The following LUZP2 variants were observed in gnomAD, a reference collection of about 807,000 sequenced individuals.
LUZP2 encodes the protein leucine zipper protein 2.
In LUZP2, 52 loss-of-function variants were observed where a neutral mutation model predicts 51.6. The observed-to-expected ratio is 1.01, with a 90% CI of 0.81 to 1.27. The LOEUF (loss-of-function observed/expected upper bound fraction) is 1.27. LUZP2 is among the 50% of genes most tolerant of loss of function. The probability of loss-of-function intolerance (pLI) is 0.00; values close to 1 mark genes in which losing one functional copy is unlikely to be tolerated. For missense variants in LUZP2, 436 were observed against 395.4 expected (o/e 1.10, Z -0.87); for synonymous variants, 154 against 137.3 (o/e 1.12, Z -0.85).
At chr11:24,511,220 A>G (rs959454483) in intron 1 of LUZP2, among the ~76,000 whole-genome samples, 3 of 152,136 alleles carry the variant, frequency 2.0e-5, no homozygotes, top group African/African-American at 7.2e-5. Context: ...TTTTTTGTGT[A>G]TAGTAAGCCC....
chr11:24,814,853 G>C (rs1255768169), intron 5 of LUZP2, among the ~76,000 whole-genome samples: 5 of 152,038 alleles, frequency 3.3e-5, no homozygotes, highest in East Asian at 1.9e-4. Flanking sequence ...TTAGCCAGGC[G>C]TGGCGGTGTG....
intron 5 of LUZP2, among the ~76,000 whole-genome samples, chr11:24,764,726 ATGCCTG>A (rs1263248732): frequency 6.6e-6 from 1 of 151,978 alleles, no homozygotes; most frequent in African/African-American, 2.4e-5. Flanking sequence ...AGGCTGGCTC[ATGCCTG>A]TAATCCCAGT....
intron 1 of LUZP2, among the ~76,000 whole-genome samples, chr11:24,646,046 G>A (rs550020895): frequency 2.6e-5 from 4 of 152,104 alleles, no homozygotes; most frequent in African/African-American, 9.6e-5. Flanking sequence ...GTGGTCTTAG[G>A]TTGGTTACAG....
At chr11:25,050,230 G>T in intron 10 of LUZP2, 100 bp downstream of exon 10, 3 of 319,162 alleles carry the variant, frequency 9.4e-6, no homozygotes, top group Non-Finnish European at 1.2e-5. Flanking sequence ...CTATTTATAT[G>T]TAATATCTAC....
chr11:24,637,028 A>C (rs1590276302), intron 1 of LUZP2, among the ~76,000 whole-genome samples: 1 of 151,902 alleles, frequency 6.6e-6, no homozygotes, highest in South Asian at 2.1e-4. Flanking sequence ...GTTGATTAAC[A>C]GTTTAAAAAG....
At chr11:24,718,554 G>T (rs184549332) in intron 1 of LUZP2, among the ~76,000 whole-genome samples, 6 of 151,856 alleles carry the variant, frequency 4.0e-5, no homozygotes, top group East Asian at 3.9e-4. Context: ...GAGACAAAAG[G>T]TTTGGGGAAT....
intron 1 of LUZP2, among the ~76,000 whole-genome samples, chr11:24,638,156 C>T (rs1344638104): frequency 6.6e-6 from 1 of 151,706 alleles, no homozygotes; most frequent in East Asian, 1.9e-4. Context: ...CATGACAAAA[C>T]AAAACTATAT....
At chr11:24,955,761 A>G (rs1855194757) in intron 7 of LUZP2, among the ~76,000 whole-genome samples, 1 of 152,046 alleles carries the variant, frequency 6.6e-6, no homozygotes. Flanking sequence ...CACTGTGTAG[A>G]CAAACAAACT....
Position 24,657,683 on chromosome 11 carries a change from C to T in LUZP2, c.63-71486C>T, listed in dbSNP as rs183548591. Among the ~76,000 whole-genome samples, 300 of 152,232 alleles carry T rather than the reference C, an allele frequency of 2.0e-3. 2 individuals are homozygous for T. Among genetic ancestry groups the T allele is most frequent in the African/African-American group, 6.9e-3 (288 of 41,544 alleles). On this transcript the variant is annotated intron_variant, in intron 1 of 11. Transcript: ENST00000336930. ...GAATTGTATATCTAGAAAACCCCATCGTCTCAGCCCAAAATCTCCTTAACC... is the reference window on the plus strand; with the variant it reads ...GAATTGTATATCTAGAAAACCCCATTGTCTCAGCCCAAAATCTCCTTAACC...
intron 1 of LUZP2, among the ~76,000 whole-genome samples, chr11:24,711,187 T>C (rs575139700): frequency 1.7e-3 from 262 of 152,246 alleles, no homozygotes; most frequent in Middle Eastern, 3.4e-3. Flanking sequence ...CGGTGGCTGA[T>C]GCCTGTAATC....
At chr11:25,063,781 T>C (rs1046682424) in intron 10 of LUZP2, among the ~76,000 whole-genome samples, 2 of 151,848 alleles carry the variant, frequency 1.3e-5, no homozygotes, top group Non-Finnish European at 3.0e-5. Flanking sequence ...ATATGATTTA[T>C]TGAACATGTA....
At chr11:25,057,309 G>A (rs1858717956) in intron 10 of LUZP2, among the ~76,000 whole-genome samples, 1 of 152,002 alleles carries the variant, frequency 6.6e-6, no homozygotes, top group African/African-American at 2.4e-5. Flanking sequence ...TCCTGCCTAT[G>A]GTATGCCCTA....
In LUZP2 at chr11:24,731,142, C is replaced by G. The variant is rs146908096; in HGVS notation, c.181-976C>G. On this transcript the variant is annotated intron_variant, in intron 2 of 11. Coordinates refer to ENST00000336930, the MANE Select transcript of LUZP2 (RefSeq NM_001009909.4). Reference sequence around the variant, plus strand: ...CTTGTAAAGTTCATCCCACTTCATTCCTGTTATAATACTTATCATACTACA... The same window carrying G: ...CTTGTAAAGTTCATCCCACTTCATTGCTGTTATAATACTTATCATACTACA... 4.6e-3 allele frequency among the ~76,000 whole-genome samples: 704 copies of G among 151,782 alleles called. 2 individuals are homozygous for G. Among genetic ancestry groups the G allele is most frequent in the Non-Finnish European group, 4.5e-3 (303 of 67,754 alleles).
At chr11:24,955,804 T>A (rs1590770397) in intron 7 of LUZP2, among the ~76,000 whole-genome samples, 1 of 152,166 alleles carries the variant, frequency 6.6e-6, no homozygotes, top group African/African-American at 2.4e-5. Context: ...TGTGACAAAC[T>A]ATTTAAAATC....
chr11:24,521,350 C>CAAAAAAA (rs11342837), intron 1 of LUZP2, among the ~76,000 whole-genome samples: 1 of 87,180 alleles, frequency 1.1e-5, no homozygotes, highest in African/African-American at 4.7e-5. Context: ...GACTCCATCT[C>CAAAAAAA]AAAAAAAAAA....
chr11:25,010,259 T>G (rs1311706383), intron 9 of LUZP2, among the ~76,000 whole-genome samples: 1 of 152,226 alleles, frequency 6.6e-6, no homozygotes, highest in Non-Finnish European at 1.5e-5. Context: ...ATAAGTGTAT[T>G]AATAACATTG....
At chr11:25,032,590 T>C (rs74334849) in intron 9 of LUZP2, among the ~76,000 whole-genome samples, 1 of 152,250 alleles carries the variant, frequency 6.6e-6, no homozygotes, top group Non-Finnish European at 1.5e-5. Context: ...CTTAGAATCA[T>C]GGAGAAGCTC....
At chr11:24,795,595 TCA>T (rs1318253936) in intron 5 of LUZP2, among the ~76,000 whole-genome samples, 1 of 152,116 alleles carries the variant, frequency 6.6e-6, no homozygotes, top group African/African-American at 2.4e-5. Context: ...AGTACAAATC[TCA>T]CAACTAAACC....
At chr11:24,780,869 A>G (rs762521532) in intron 5 of LUZP2, among the ~76,000 whole-genome samples, 36 of 152,190 alleles carry the variant, frequency 2.4e-4, no homozygotes, top group Admixed American at 1.7e-3. Context: ...ATTTTTAAGA[A>G]CACTACTAAA....
Sources: allele counts gnomAD v4.1 joint callset (sites outside exome capture counted in the v4.1 genomes callset), GRCh38; gene constraint gnomAD v4.1.1; transcripts MANE v1.5; gene names NCBI Gene and HGNC (gene_info 2026-07-23, HGNC 2026-07-21).